The following STARD13 variants were observed in gnomAD, a reference collection of about 807,000 sequenced individuals.
STARD13 encodes the protein stAR-related lipid transfer protein 13.
STARD13 carries 62 observed loss-of-function variants against 106.4 expected under a neutral mutation model. The ratio of observed to expected loss-of-function variants is 0.58; its 90% CI spans 0.48 to 0.72. The LOEUF is 0.72. Ranked by LOEUF, STARD13 falls within the 30% of genes least tolerant of loss-of-function variation. The pLI is 0.00. For missense variants in STARD13, 1,387 were observed against 1,424.0 expected, an observed-to-expected ratio of 0.97 and a Z score of 0.42; for synonymous variants, 565 against 553.0, an observed-to-expected ratio of 1.02 and a Z score of -0.31.
chr13:33,301,937 T>C (rs1892737344), intron 1 of STARD13, among the ~76,000 whole-genome samples: 1 of 152,166 alleles, frequency 6.6e-6, no homozygotes. Context: ...CTCAGAATTA[T>C]AGCCCTTCCT....
At chr13:33,586,735 G>A in the STARD13 span, among the ~76,000 whole-genome samples, 1 of 142,424 alleles carries the variant, frequency 7.0e-6, no homozygotes, top group Non-Finnish European at 1.5e-5. Context: ...GATGAGGGGT[G>A]ATCACAGCAA....
intron 1 of STARD13, chr13:33,276,323 C>G (rs1262032466): frequency 1.3e-5 from 2 of 152,158 alleles, no homozygotes; most frequent in Non-Finnish European, 2.9e-5. Flanking sequence ...ATTTCACACT[C>G]TATTTTGAGA....
At chr13:33,481,465 C>T in the STARD13 span, among the ~76,000 whole-genome samples, 6 of 152,080 alleles carry the variant, frequency 3.9e-5, no homozygotes, top group African/African-American at 2.4e-5. Flanking sequence ...TTAGATGCAA[C>T]TATCAATTTA....
upstream of STARD13, among the ~76,000 whole-genome samples, chr13:33,354,892 T>A (rs1316426557): frequency 6.6e-6 from 1 of 152,012 alleles, no homozygotes; most frequent in African/African-American, 2.4e-5. Flanking sequence ...TTTTTATTTT[T>A]TTCCTTGCAT....
chr13:33,592,999 G>A, the STARD13 span, among the ~76,000 whole-genome samples: 1 of 151,948 alleles, frequency 6.6e-6, no homozygotes. Flanking sequence ...AGGAATGAAG[G>A]TGGGCACCTA....
At chr13:33,613,371 G>A in the STARD13 span, among the ~76,000 whole-genome samples, 2 of 152,204 alleles carry the variant, frequency 1.3e-5, no homozygotes, top group Non-Finnish European at 2.9e-5. Context: ...AGTCCACAGA[G>A]CAAAGTAGTG....
intron 1 of STARD13, among the ~76,000 whole-genome samples, chr13:33,194,888 AG>A (rs1685076599): frequency 6.6e-6 from 1 of 152,256 alleles, no homozygotes; most frequent in African/African-American, 2.4e-5. Context: ...CTGGGCCTGC[AG>A]CCCCCTCTTG....
the STARD13 span, among the ~76,000 whole-genome samples, chr13:33,542,034 GTGTA>G: frequency 6.8e-6 from 1 of 147,282 alleles, no homozygotes; most frequent in African/African-American, 2.6e-5. Flanking sequence ...ATATAAAACT[GTGTA>G]TCGACAAAAA....
chr13:33,659,689 G>GA, the STARD13 span: 1 of 152,212 alleles, frequency 6.6e-6, no homozygotes, highest in Non-Finnish European at 1.5e-5. Context: ...GGTGCGTGGG[G>GA]AAAACCCATG....
the STARD13 span, among the ~76,000 whole-genome samples, chr13:33,540,559 T>C: frequency 5.3e-5 from 8 of 152,336 alleles, no homozygotes; most frequent in East Asian, 1.5e-3. Flanking sequence ...TTTCTGAAAT[T>C]TTCCATTAAA....
At chr13:33,223,701 T>C (rs1167293084) in intron 1 of STARD13, among the ~76,000 whole-genome samples, 1 of 152,042 alleles carries the variant, frequency 6.6e-6, no homozygotes, top group Admixed American at 6.6e-5. Flanking sequence ...TAGTTAAAAG[T>C]GTGGGCTCTG....
the STARD13 span, among the ~76,000 whole-genome samples, chr13:33,592,536 T>C: frequency 6.6e-6 from 1 of 152,184 alleles, no homozygotes; most frequent in Non-Finnish European, 1.5e-5. Context: ...AGATCAGATA[T>C]ATAGTTGTGA....
chr13:33,295,519 C>T (rs1850474437), intron 1 of STARD13, among the ~76,000 whole-genome samples: 2 of 152,184 alleles, frequency 1.3e-5, no homozygotes, highest in Admixed American at 6.5e-5. Flanking sequence ...TTTCCTTTAC[C>T]CTTTTTTATT....
chr13:33,178,930 CA>C (rs1229477962), intron 1 of STARD13, among the ~76,000 whole-genome samples: 2 of 152,064 alleles, frequency 1.3e-5, no homozygotes, highest in Non-Finnish European at 2.9e-5. Context: ...TAATCAAAAG[CA>C]AAACATGATC....
At chr13:33,438,947 G>A in the STARD13 span, among the ~76,000 whole-genome samples, 1 of 152,208 alleles carries the variant, frequency 6.6e-6, no homozygotes, top group Non-Finnish European at 1.5e-5. Context: ...TATAAACTCA[G>A]AGAAAAGTGT....
chr13:33,570,184 C>T, the STARD13 span, among the ~76,000 whole-genome samples: 1 of 147,934 alleles, frequency 6.8e-6, no homozygotes, highest in Non-Finnish European at 1.5e-5. Flanking sequence ...AGCTGGGCTT[C>T]CATGTGCCAC....
chr13:33,546,365 A>G, the STARD13 span, among the ~76,000 whole-genome samples: 1 of 152,198 alleles, frequency 6.6e-6, no homozygotes, highest in East Asian at 1.9e-4. Context: ...ATTTGCTATA[A>G]TCAATAGACT....
the STARD13 span, chr13:33,658,077 C>G: frequency 6.6e-6 from 1 of 152,308 alleles, no homozygotes; most frequent in African/African-American, 2.4e-5. Context: ...GCCCCTTCCT[C>G]CAGTCCCTGG....
the STARD13 span, among the ~76,000 whole-genome samples, chr13:33,581,352 A>G: frequency 2.0e-5 from 3 of 151,410 alleles, no homozygotes; most frequent in South Asian, 2.1e-4. Context: ...TCAAATCAAT[A>G]TTTTTTTTTA....
Sources: allele counts gnomAD v4.1 joint callset (sites outside exome capture counted in the v4.1 genomes callset), GRCh38; gene constraint gnomAD v4.1.1; transcripts MANE v1.5; gene names NCBI Gene and HGNC (gene_info 2026-07-23, HGNC 2026-07-21).